DYM: variants seen among roughly 807,000 people sequenced by gnomAD.
The protein encoded by DYM is dymeclin, also known as dyggve-Melchior-Clausen syndrome protein.
In DYM, 78 loss-of-function variants were observed where a neutral mutation model predicts 93.1. That is an observed-to-expected ratio of 0.84 (90% CI 0.70 to 1.01). The LOEUF is 1.01. Ranked by LOEUF, DYM falls within the 50% of genes least tolerant of loss-of-function variation. DYM has a pLI of 0.00. For synonymous variants in DYM, 321 were observed against 319.7 expected, an observed-to-expected ratio of 1.00 and a Z score of -0.04; for missense variants, 789 against 845.0, an observed-to-expected ratio of 0.93 and a Z score of 0.82.
At chr18:49,257,216 G>A in intron 12 of DYM, 112 bp from the exon 13 acceptor site, 4 of 830,250 alleles carry the variant, frequency 4.8e-6, no homozygotes, top group Non-Finnish European at 8.1e-6. Context: ...ATTTTAGAAA[G>A]TTCAGATCCA....
In DYM at chr18:49,038,782, TAC is replaced by T. The variant is rs1346988913; in HGVS notation, c.*5271_*5272del. ...TTCTCTCTTATTATGTGGAAAGCTA[TAC>T]ACTTTTATTGATATCTCAAATATTA... On this transcript the variant is annotated 3_prime_UTR_variant, in exon 18 of 18. Coordinates refer to ENST00000675505, the MANE Select transcript of DYM (RefSeq NM_001353214.3). Among the ~76,000 whole-genome samples the T allele has an allele frequency of 6.6e-6, 1 of 152,240 alleles. No individual in the cohort carries two copies. Among genetic ancestry groups the T allele is most frequent in the Non-Finnish European group, 1.5e-5 (1 of 68,026 alleles).
intron 17 of DYM, among the ~76,000 whole-genome samples, chr18:49,074,522 T>C (rs1281604218): frequency 6.6e-6 from 1 of 152,208 alleles, no homozygotes; most frequent in Non-Finnish European, 1.5e-5. Flanking sequence ...CAAACTTTAA[T>C]TGTCTACATA....
chr18:49,146,512 T>A (rs548025835), intron 15 of DYM, among the ~76,000 whole-genome samples: 1 of 152,158 alleles, frequency 6.6e-6, no homozygotes, highest in Non-Finnish European at 1.5e-5. Flanking sequence ...GGTTACAAAA[T>A]CAATGTGCAA....
intron 14 of DYM, among the ~76,000 whole-genome samples, chr18:49,185,174 C>A (rs1039892860): frequency 6.6e-6 from 1 of 152,168 alleles, no homozygotes; most frequent in Non-Finnish European, 1.5e-5. Flanking sequence ...TAAATCACAT[C>A]ATTTTTGTTT....
chr18:49,118,911 C>T lies in DYM; in HGVS notation c.1744G>A (p.Val582Ile), dbSNP rs1399823445. 1 of 1,613,808 alleles carries T rather than the reference C, an allele frequency of 6.2e-7. No homozygotes were observed. The highest frequency in any genetic ancestry group is 1.7e-5 in the Admixed American group (1 of 59,992). The part of the protein sequence containing the change: ...PLPDYAQDLN[V>I]IEEVIRMMLE... Reference sequence around the variant, plus strand: ...ATCATTCGAATCACTTCTTCAATGACATTTAGGTCTTGTGCCTTATAGAGA... The same window carrying T: ...ATCATTCGAATCACTTCTTCAATGATATTTAGGTCTTGTGCCTTATAGAGA... Residue 582 changes from valine to isoleucine, a missense_variant, in exon 16 of 18, where the codon GTC becomes ATC. By Grantham distance (29) the Val-to-Ile change is conservative. Around this residue, in one of 3 missense-constraint regions of DYM, gnomAD observed 225 missense variants for 303.0 expected, o/e 0.74. Transcript: ENST00000675505.
intron 13 of DYM, among the ~76,000 whole-genome samples, chr18:49,245,748 C>T (rs570970306): frequency 6.6e-6 from 1 of 152,292 alleles, no homozygotes; most frequent in East Asian, 1.9e-4. Context: ...TTGTGACTTA[C>T]TCCCTGTTCG....
chr18:49,415,321 CAAAAA>C (rs71165393), intron 2 of DYM, among the ~76,000 whole-genome samples: 92 of 87,062 alleles, frequency 1.1e-3, no homozygotes, highest in African/African-American at 4.3e-3. Flanking sequence ...CTGGGTCTCT[CAAAAA>C]AAAAAAAAAA....
At chr18:49,286,332 A>G in intron 9 of DYM, 102 bp downstream of exon 9, 1 of 1,348,888 alleles carries the variant, frequency 7.4e-7, no homozygotes, top group South Asian at 1.2e-5. Flanking sequence ...ATATGAAAAC[A>G]TACAATGGAC....
intron 13 of DYM, among the ~76,000 whole-genome samples, chr18:49,226,264 A>G (rs937310913): frequency 6.6e-6 from 1 of 152,186 alleles, no homozygotes; most frequent in South Asian, 2.1e-4. Context: ...TGTACCATCT[A>G]TATTTACAGG....
At chr18:49,363,398 G>C (rs540703983) in intron 5 of DYM, among the ~76,000 whole-genome samples, 165 bp from the exon 6 acceptor site, 1 of 152,198 alleles carries the variant, frequency 6.6e-6, no homozygotes, top group Admixed American at 6.5e-5. Context: ...GAATAGGTTA[G>C]CATCTATGAT....
chr18:49,420,564 C>A (rs886775664), intron 2 of DYM, among the ~76,000 whole-genome samples: 1 of 152,114 alleles, frequency 6.6e-6, no homozygotes, highest in Non-Finnish European at 1.5e-5. Flanking sequence ...TGAATAGAAA[C>A]AACTCCAGTC....
At chr18:49,077,546 G>C (rs913371600) in intron 17 of DYM, among the ~76,000 whole-genome samples, 3 of 152,238 alleles carry the variant, frequency 2.0e-5, no homozygotes, top group African/African-American at 7.2e-5. Flanking sequence ...TGTCTTCAGT[G>C]AATTTTTCTG....
At position 49,176,239 on chromosome 18, in the gene DYM, AAAT is replaced by A. The variant is rs1230643759; in HGVS notation, c.1626-12455_1626-12453del. The stretch of plus-strand genomic sequence containing the variant: ...AATTATTACTGATAAAATATGTTGA[AAAT>A]AATAGGTAAAATACACAATCTGTCA... On this transcript the variant is annotated intron_variant, in intron 14 of 17. Transcript: ENST00000675505. Among the ~76,000 whole-genome samples, 3 of 152,296 alleles carry A rather than the reference AAAT, an allele frequency of 2.0e-5. No individual in the cohort carries two copies. The East Asian group carries it at 5.8e-4, about 29-fold the overall frequency.
At chr18:49,263,675 G>A (rs903083325) in intron 11 of DYM, among the ~76,000 whole-genome samples, 11 of 151,944 alleles carry the variant, frequency 7.2e-5, no homozygotes, top group African/African-American at 2.7e-4. Context: ...GTTGCACCAA[G>A]CCAAGATCGT....
At chr18:49,417,974 C>T (rs937403329) in intron 2 of DYM, 1 of 147,918 alleles carries the variant, frequency 6.8e-6, no homozygotes, top group African/African-American at 2.5e-5. Flanking sequence ...GCAGGAGAAT[C>T]ACTTAATCCC....
chr18:49,418,051 A>G (rs1281699768), intron 2 of DYM: 1 of 127,038 alleles, frequency 7.9e-6, no homozygotes, highest in Non-Finnish European at 1.6e-5. Context: ...CAAGAGTGAA[A>G]CTCTGTCTGA....
At chr18:49,300,033 C>A (rs2060807287) in intron 8 of DYM, among the ~76,000 whole-genome samples, 1 of 141,778 alleles carries the variant, frequency 7.1e-6, no homozygotes, top group Non-Finnish European at 1.5e-5. Context: ...TAGAGTGAGA[C>A]TCCGTCTCGA....
At chr18:49,200,839 T>C (rs2091928432) in intron 14 of DYM, among the ~76,000 whole-genome samples, 1 of 152,280 alleles carries the variant, frequency 6.6e-6, no homozygotes, top group East Asian at 1.9e-4. Flanking sequence ...TATTAATTGC[T>C]TCACATACTT....
chr18:49,273,213 A>G (rs2094756411), intron 10 of DYM, among the ~76,000 whole-genome samples: 1 of 152,178 alleles, frequency 6.6e-6, no homozygotes, highest in Non-Finnish European at 1.5e-5. Flanking sequence ...TTCTTTTACA[A>G]GTTGTAGCTA....
Sources: allele counts gnomAD v4.1 joint callset (sites outside exome capture counted in the v4.1 genomes callset), GRCh38; gene constraint gnomAD v4.1.1; regional missense constraint gnomAD v4.1.1; transcripts MANE v1.5; gene names NCBI Gene and HGNC (gene_info 2026-07-23, HGNC 2026-07-21).